PRDM16: variants seen among roughly 807,000 people sequenced by gnomAD.
PRDM16 encodes the protein histone-lysine N-methyltransferase PRDM16.
Under a neutral mutation model 110.6 loss-of-function variants are expected in PRDM16, and 23 were observed. The ratio of observed to expected loss-of-function variants is 0.21; its 90% CI spans 0.15 to 0.29. The LOEUF is 0.29. Ranked by LOEUF, PRDM16 falls within the 10% of genes least tolerant of loss-of-function variation. The probability of loss-of-function intolerance (pLI) is 1.00; values close to 1 mark genes in which losing one functional copy is unlikely to be tolerated. For missense variants in PRDM16, 1,615 were observed against 1,794.3 expected, an observed-to-expected ratio of 0.90 and a Z score of 1.81; for synonymous variants, 799 against 781.8, an observed-to-expected ratio of 1.02 and a Z score of -0.37.
intron 1 of PRDM16, among the ~76,000 whole-genome samples, chr1:3,118,629 C>T (rs1430343954): frequency 6.6e-6 from 1 of 152,218 alleles, no homozygotes; most frequent in Non-Finnish European, 1.5e-5. Context: ...GTGTGGCTTT[C>T]ACCACATGCT....
chr1:3,221,610 G>A (rs1365539673), intron 2 of PRDM16, among the ~76,000 whole-genome samples: 1 of 152,208 alleles, frequency 6.6e-6, no homozygotes, highest in South Asian at 2.1e-4. Context: ...GAGAGCAGAG[G>A]CAGGGGCAGC....
intron 3 of PRDM16, among the ~76,000 whole-genome samples, chr1:3,262,031 G>A (rs1375112544): frequency 1.3e-5 from 2 of 152,258 alleles, no homozygotes; most frequent in Admixed American, 1.3e-4. Context: ...TCAGAGGGAA[G>A]GACTGAAAAA....
intron 1 of PRDM16, among the ~76,000 whole-genome samples, chr1:3,151,193 G>A (rs537501023): frequency 2.0e-5 from 3 of 152,298 alleles, no homozygotes; most frequent in East Asian, 1.9e-4. Context: ...CTGTCCCCTC[G>A]CTGGGCATGG....
At chr1:3,313,313 A>C (rs1017821933) in intron 3 of PRDM16, among the ~76,000 whole-genome samples, 1 of 152,220 alleles carries the variant, frequency 6.6e-6, no homozygotes, top group East Asian at 1.9e-4. Flanking sequence ...GTCAGCGCCG[A>C]GCGGTGAGTC....
chr1:3,181,022 G>GGTCTTACACGCGGTCTTACACACGCA (rs1285427796), intron 1 of PRDM16, among the ~76,000 whole-genome samples: 1 of 121,718 alleles, frequency 8.2e-6, no homozygotes, highest in Non-Finnish European at 1.7e-5. Context: ...TTACAAATGC[G>GGTCTTACACGCGGTCTTACACACGCA]GTCTTACACG....
chr1:3,092,570 C>G (rs568862638), intron 1 of PRDM16, among the ~76,000 whole-genome samples: 1 of 152,202 alleles, frequency 6.6e-6, no homozygotes. Flanking sequence ...TTCTGGTCAG[C>G]GAGTGGGAAA....
In PRDM16 at chr1:3,411,649, C is replaced by T; in HGVS notation, c.1452C>T (p.Gly484=). Residue 484 remains glycine, a synonymous_variant, in exon 9 of 17, where the codon GGC becomes GGT. Coordinates refer to ENST00000270722, the MANE Select transcript of PRDM16 (RefSeq NM_022114.4). ...CCAGCCTCAATCACGCCAGCCTGGGCTTCAACGAGTACTTTCCCTCCAGGC... is the reference window on the plus strand; with the variant it reads ...CCAGCCTCAATCACGCCAGCCTGGGTTTCAACGAGTACTTTCCCTCCAGGC... ...PSPSLNHASL[G]FNEYFPSRPH... is the part of the protein sequence containing the mutation. 1.2e-6 allele frequency: 2 copies of T among 1,613,682 alleles called. No individual in the cohort carries two copies. Among genetic ancestry groups the T allele is most frequent in the Non-Finnish European group, 1.7e-6 (2 of 1,179,738 alleles).
intron 3 of PRDM16, among the ~76,000 whole-genome samples, chr1:3,378,086 C>T (rs1643026665): frequency 6.6e-6 from 1 of 152,206 alleles, no homozygotes. Flanking sequence ...CAGGCGGAGA[C>T]ATCGCCTTTG....
chr1:3,273,947 T>C lies in PRDM16; in HGVS notation c.438+29810T>C, dbSNP rs1640523697. On this transcript the variant is annotated intron_variant, in intron 3 of 16. Coordinates refer to ENST00000270722, the MANE Select transcript of PRDM16 (RefSeq NM_022114.4). Reference sequence around the variant, plus strand: ...TGTGTGCGTGTGTCCCAGGCACCGTTCTCTCACCGTGGACTTGGTATGGGG... The same window carrying C: ...TGTGTGCGTGTGTCCCAGGCACCGTCCTCTCACCGTGGACTTGGTATGGGG... 1.5e-5 allele frequency among the ~76,000 whole-genome samples: 2 copies of C among 136,510 alleles called. 1 individual carries two copies. The highest frequency in any genetic ancestry group is 1.5e-4 in the Admixed American group (2 of 13,072). The allele number at this position is 136,510 out of a possible 152,430, so 89.6% of individuals were successfully genotyped here.
At chr1:3,125,259 G>A (rs1270211798) in intron 1 of PRDM16, among the ~76,000 whole-genome samples, 1 of 152,286 alleles carries the variant, frequency 6.6e-6, no homozygotes, top group Non-Finnish European at 1.5e-5. Context: ...TGCTTTCTTA[G>A]CGGACGGCCC....
chr1:3,126,676 G>A (rs548905005), intron 1 of PRDM16, among the ~76,000 whole-genome samples: 1 of 152,200 alleles, frequency 6.6e-6, no homozygotes, highest in African/African-American at 2.4e-5. Context: ...ACCCTGCCCT[G>A]TAGGGCTGGT....
intron 1 of PRDM16, among the ~76,000 whole-genome samples, chr1:3,131,820 T>C (rs948193912): frequency 4.6e-5 from 7 of 152,130 alleles, no homozygotes; most frequent in African/African-American, 1.7e-4. Context: ...TGCCCTGGGG[T>C]CTCCAGGCAG....
chr1:3,244,196 G>A lies in PRDM16; in HGVS notation c.438+59G>A. On this transcript the variant is annotated intron_variant, in intron 3 of 16. Coordinates refer to ENST00000270722, the MANE Select transcript of PRDM16 (RefSeq NM_022114.4). This position sits in a 1 kb window ranked among gnomAD's most constrained non-coding sequence, Gnocchi z 4.1. Reference sequence around the variant, plus strand: ...CCAGCGTCCTCGGAGCTCCTGGCGGGGCGACCGCCATCCCAGCTGTCCCTG... The same window carrying A: ...CCAGCGTCCTCGGAGCTCCTGGCGGAGCGACCGCCATCCCAGCTGTCCCTG... 3 of 1,497,752 alleles carry A rather than the reference G, an allele frequency of 2.0e-6. No individual in the cohort carries two copies. Among genetic ancestry groups the A allele is most frequent in the South Asian group, 2.3e-5 (2 of 88,704 alleles). 92.8% of individuals were successfully genotyped at this position (1,497,752 alleles called of 1,614,324 possible).
chr1:3,258,443 T>G (rs1640094671), intron 3 of PRDM16, among the ~76,000 whole-genome samples: 1 of 152,216 alleles, frequency 6.6e-6, no homozygotes, highest in South Asian at 2.1e-4. Context: ...GCTAACGGGA[T>G]TCATTACTCC....
At chr1:3,389,896 G>A (rs539653426) in intron 4 of PRDM16, among the ~76,000 whole-genome samples, 2 of 151,974 alleles carry the variant, frequency 1.3e-5, no homozygotes, top group East Asian at 2.0e-4. Flanking sequence ...CCGAGCATGA[G>A]CGGAAGGCAC....
In PRDM16 at chr1:3,438,594, T is replaced by G. The variant is rs1368846378; in HGVS notation, c.*4783T>G. 1 of 188,854 alleles carries G rather than the reference T, an allele frequency of 5.3e-6. No homozygotes were observed. The highest frequency in any genetic ancestry group is 8.5e-5 in the East Asian group (1 of 11,798). 11.7% of individuals were successfully genotyped at this position (188,854 alleles called of 1,614,324 possible). ...CCAATGAATTTATACATGAGATTGA[T>G]ATGCAATAAATCTGTGTGCTTTTCT... On this transcript the variant is annotated 3_prime_UTR_variant, in exon 17 of 17. Transcript: ENST00000270722.
intron 3 of PRDM16, among the ~76,000 whole-genome samples, chr1:3,373,978 G>A (rs1388678025): frequency 1.3e-5 from 2 of 152,254 alleles, no homozygotes; most frequent in East Asian, 3.8e-4. Flanking sequence ...GGAGCTCTGG[G>A]TGGAGCTTGG....
rs1330114724 is a variant in PRDM16 at position 3,356,260 on chromosome 1, G to GA, written c.439-28892_439-28891insA. The stretch of plus-strand genomic sequence containing the variant: ...CTGGTGTTTGTGGAATTGTTCCAAA[G>GA]CCCCCCCCAGCCCCCCTGCGCCAAG... On this transcript the variant is annotated intron_variant, in intron 3 of 16. Transcript: ENST00000270722. Among the ~76,000 whole-genome samples the GA allele has an allele frequency of 8.1e-3, 1,227 of 152,152 alleles. 18 individuals are homozygous for GA. The highest frequency in any genetic ancestry group is 0.028 in the African/African-American group (1,149 of 41,502).
chr1:3,224,774 G>T (rs546720478), intron 2 of PRDM16, among the ~76,000 whole-genome samples: 1 of 152,250 alleles, frequency 6.6e-6, no homozygotes, highest in African/African-American at 2.4e-5. Flanking sequence ...GAAGCCAGGC[G>T]GGAGGATGCC....
Sources: allele counts gnomAD v4.1 joint callset (sites outside exome capture counted in the v4.1 genomes callset), GRCh38; gene constraint gnomAD v4.1.1; non-coding constraint Gnocchi (gnomAD v3.1); transcripts MANE v1.5; gene names NCBI Gene and HGNC (gene_info 2026-07-23, HGNC 2026-07-21).